Variants in DCDC1 observed in about 807,000 individuals in gnomAD.
DCDC1 encodes doublecortin domain-containing protein 1.
In DCDC1, 200 loss-of-function variants were observed where a neutral mutation model predicts 178.3. The ratio of observed to expected loss-of-function variants is 1.12; its 90% CI spans 1.00 to 1.26. DCDC1 has a LOEUF of 1.26. Ranked by LOEUF, DCDC1 falls within the 50% of genes most tolerant of loss-of-function variation. The pLI, the probability that DCDC1 is intolerant of heterozygous loss-of-function variation, is 0.00. For synonymous variants in DCDC1, 690 were observed against 604.8 expected, an observed-to-expected ratio of 1.14 and a Z score of -2.07; for missense variants, 1,983 against 1,749.2, an observed-to-expected ratio of 1.13 and a Z score of -2.38.
intron 20 of DCDC1, among the ~76,000 whole-genome samples, chr11:31,042,424 A>G (rs1265683043): frequency 1.3e-5 from 2 of 152,218 alleles, no homozygotes; most frequent in Admixed American, 6.5e-5. Context: ...CAAGTCCCAA[A>G]GTCATTTTTA....
intron 5 of DCDC1, 32 bp downstream of exon 5, chr11:31,306,200 T>G: frequency 7.0e-7 from 1 of 1,437,126 alleles, no homozygotes; most frequent in Non-Finnish European, 9.2e-7. Context: ...GGAAAAAAAA[T>G]AAAGCACAGA....
chr11:31,061,951 A>G (rs1451640806), intron 20 of DCDC1, among the ~76,000 whole-genome samples: 1 of 152,092 alleles, frequency 6.6e-6, no homozygotes, highest in Non-Finnish European at 1.5e-5. Flanking sequence ...TGCAGTCATC[A>G]GATTGCATTG....
intron 9 of DCDC1, among the ~76,000 whole-genome samples, chr11:31,143,772 G>A (rs1468544527): frequency 1.3e-5 from 2 of 152,218 alleles, no homozygotes; most frequent in African/African-American, 2.4e-5. Context: ...TCATCTTGGG[G>A]AAGAGATAGA....
intron 30 of DCDC1, among the ~76,000 whole-genome samples, chr11:30,905,850 T>C (rs2134141531): frequency 6.6e-6 from 1 of 152,284 alleles, no homozygotes; most frequent in South Asian, 2.1e-4. Context: ...GCAATGCATA[T>C]CAGGATTAGG....
chr11:30,937,891 C>T (rs760116755), intron 21 of DCDC1, among the ~76,000 whole-genome samples: 8 of 152,086 alleles, frequency 5.3e-5, no homozygotes, highest in Non-Finnish European at 8.8e-5. Flanking sequence ...TCCTTTCTAC[C>T]GCCTGCTGAC....
At chr11:31,017,651 C>T (rs1565187548) in intron 20 of DCDC1, among the ~76,000 whole-genome samples, 1 of 151,840 alleles carries the variant, frequency 6.6e-6, no homozygotes, top group African/African-American at 2.4e-5. Flanking sequence ...AGAATCACAG[C>T]TCACTGCAGC....
intron 20 of DCDC1, among the ~76,000 whole-genome samples, chr11:31,011,655 C>A (rs1952175806): frequency 6.6e-6 from 1 of 152,132 alleles, no homozygotes; most frequent in Non-Finnish European, 1.5e-5. Flanking sequence ...CTTTAGAGAG[C>A]TATGTAAAAA....
intron 8 of DCDC1, among the ~76,000 whole-genome samples, chr11:31,257,101 G>A (rs184689846): frequency 2.6e-5 from 4 of 152,248 alleles, no homozygotes; most frequent in African/African-American, 9.6e-5. Context: ...GTAGGCCAGC[G>A]CTTTCAAGGA....
intron 7 of DCDC1, among the ~76,000 whole-genome samples, chr11:31,271,305 A>G (rs1945532667): frequency 6.6e-6 from 1 of 152,206 alleles, no homozygotes; most frequent in African/African-American, 2.4e-5. Context: ...GTATGCTCTC[A>G]GCTTTTAAAG....
At chr11:30,942,618 C>T (rs2134399439) in intron 21 of DCDC1, among the ~76,000 whole-genome samples, 1 of 152,296 alleles carries the variant, frequency 6.6e-6, no homozygotes, top group African/African-American at 2.4e-5. Flanking sequence ...TGCTATATTT[C>T]TGATGAACAT....
chr11:31,157,368 A>T lies in DCDC1; in HGVS notation c.1222-19584T>A, dbSNP rs796971467. ...AAGACCCTTTCTCAAAAAAAAAAAA[A>T]AAAAATATATATATATATACATATA... On this transcript the variant is annotated intron_variant, in intron 9 of 38. Coordinates refer to ENST00000684477, the MANE Select transcript of DCDC1 (RefSeq NM_001387274.1). 9.4e-3 allele frequency among the ~76,000 whole-genome samples: 1,023 copies of T among 109,180 alleles called. 6 individuals are homozygous for T. The highest frequency in any genetic ancestry group is 0.026 in the Middle Eastern group (5 of 196). The allele number at this position is 109,180 out of a possible 152,430, so 71.6% of individuals were successfully genotyped here. A position where few individuals can be genotyped will look rare whatever the true frequency, so the allele number is the denominator to read the frequency against.
chr11:30,943,078 TTCCC>T (rs1947768856), intron 21 of DCDC1: 1 of 152,180 alleles, frequency 6.6e-6, no homozygotes, highest in Non-Finnish European at 1.5e-5. Flanking sequence ...AATTCTTATG[TTCCC>T]ATGCATGTCT....
At chr11:31,060,608 G>A (rs553315523) in intron 20 of DCDC1, among the ~76,000 whole-genome samples, 1 of 152,070 alleles carries the variant, frequency 6.6e-6, no homozygotes, top group Non-Finnish European at 1.5e-5. Flanking sequence ...ATCAATTTTA[G>A]TCCAAATATT....
chr11:31,238,489 A>G (rs1976716441), intron 9 of DCDC1, among the ~76,000 whole-genome samples: 1 of 152,064 alleles, frequency 6.6e-6, no homozygotes, highest in Non-Finnish European at 1.5e-5. Context: ...AAGCACACAG[A>G]AAGCACAGCC....
intron 27 of DCDC1, 62 bp from the exon 28 acceptor site, chr11:30,911,482 G>T (rs555030025): frequency 1.5e-6 from 2 of 1,299,190 alleles, no homozygotes; most frequent in Non-Finnish European, 2.2e-6. Context: ...CTCCCTCTGT[G>T]CCACTTAGCA....
intron 9 of DCDC1, among the ~76,000 whole-genome samples, chr11:31,142,488 ATGTG>A (rs59196732): frequency 1.1e-4 from 16 of 150,246 alleles, no homozygotes; most frequent in South Asian, 2.1e-4. Flanking sequence ...GTGTGTGTGT[ATGTG>A]TGTGTGTGTG....
intron 9 of DCDC1, among the ~76,000 whole-genome samples, chr11:31,174,738 C>T (rs1318819709): frequency 6.6e-6 from 1 of 152,164 alleles, no homozygotes; most frequent in African/African-American, 2.4e-5. Context: ...TGAGAAGACA[C>T]TGGGACAACC....
chr11:30,880,044 A>C (rs986778209), intron 37 of DCDC1, among the ~76,000 whole-genome samples: 4 of 152,172 alleles, frequency 2.6e-5, no homozygotes, highest in Non-Finnish European at 5.9e-5. Context: ...ATTAGATTGA[A>C]AACTCTCAGA....
At chr11:31,202,375 C>A (rs1380797915) in intron 9 of DCDC1, among the ~76,000 whole-genome samples, 1 of 148,790 alleles carries the variant, frequency 6.7e-6, no homozygotes, top group Non-Finnish European at 1.5e-5. Context: ...TCAGCCTGGG[C>A]AACATGGCAA....
Sources: allele counts gnomAD v4.1 joint callset (sites outside exome capture counted in the v4.1 genomes callset), GRCh38; gene constraint gnomAD v4.1.1; transcripts MANE v1.5; gene names NCBI Gene and HGNC (gene_info 2026-07-23, HGNC 2026-07-21).